GRIP1: variants seen among roughly 807,000 people sequenced by gnomAD.
GRIP1 encodes glutamate receptor-interacting protein 1.
Under a neutral mutation model 129.9 loss-of-function variants are expected in GRIP1, and 45 were observed. That is an observed-to-expected ratio of 0.35 (90% CI 0.27 to 0.44). The LOEUF (loss-of-function observed/expected upper bound fraction) is 0.44, where lower values mean the gene tolerates loss of function less well. GRIP1 is among the 20% of genes least tolerant of loss of function. The pLI, the probability that GRIP1 is intolerant of heterozygous loss-of-function variation, is 1.00. For missense variants in GRIP1, 1,196 were observed against 1,396.8 expected (o/e 0.86, Z 2.29); for synonymous variants, 530 against 520.8 (o/e 1.02, Z -0.24).
intron 1 of GRIP1, among the ~76,000 whole-genome samples, chr12:66,743,761 C>T (rs995130236): frequency 4.6e-5 from 7 of 151,974 alleles, no homozygotes; most frequent in Admixed American, 3.9e-4. Context: ...ATTGGTGTGC[C>T]GGTAAATTAA....
chr12:66,664,323 G>C (rs1443253809), intron 1 of GRIP1, among the ~76,000 whole-genome samples: 2 of 152,158 alleles, frequency 1.3e-5, no homozygotes, highest in Non-Finnish European at 2.9e-5. Context: ...CTTTTGTAGT[G>C]AGTCAACAGA....
intron 19 of GRIP1, among the ~76,000 whole-genome samples, chr12:66,382,796 G>A (rs1272188846): frequency 1.3e-5 from 2 of 152,216 alleles, no homozygotes; most frequent in Non-Finnish European, 2.9e-5. Flanking sequence ...TTTGGTATAT[G>A]TATAGGAGAA....
chr12:66,772,618 A>C (rs1207582754), intron 1 of GRIP1, among the ~76,000 whole-genome samples: 1 of 152,212 alleles, frequency 6.6e-6, no homozygotes, highest in Non-Finnish European at 1.5e-5. Context: ...TGATCTGAAA[A>C]GGTAAAGGCC....
chr12:66,405,409 G>A (rs1413300196), intron 16 of GRIP1, among the ~76,000 whole-genome samples: 1 of 152,122 alleles, frequency 6.6e-6, no homozygotes, highest in African/African-American at 2.4e-5. Flanking sequence ...TTTTCAATTG[G>A]CTCTATATTC....
At chr12:66,501,937 T>C (rs2060404379) in intron 7 of GRIP1, among the ~76,000 whole-genome samples, 1 of 152,194 alleles carries the variant, frequency 6.6e-6, no homozygotes, top group African/African-American at 2.4e-5. Context: ...AAATTTGTAA[T>C]TGTCAATGGG....
At chr12:66,520,727 A>G (rs1204026249) in intron 5 of GRIP1, among the ~76,000 whole-genome samples, 1 of 152,152 alleles carries the variant, frequency 6.6e-6, no homozygotes, top group Non-Finnish European at 1.5e-5. Flanking sequence ...AGTTGCTTCT[A>G]TTCTGTTTAT....
At position 66,772,978 on chromosome 12, in the gene GRIP1, C is replaced by G. The variant is rs1049674468; in HGVS notation, c.-420+31075G>C. ...GCTGGGAAAATGAAACTTCCTACAC[C>G]AAGTGGACAAAGGATTTCCAAAACA... is the stretch of plus-strand genomic sequence containing the variant. On this transcript the variant is annotated intron_variant, in intron 1 of 4. Coordinates refer to the GRIP1 transcript ENST00000538373. Among the ~76,000 whole-genome samples, 52 of 152,120 alleles carry G rather than the reference C, an allele frequency of 3.4e-4. 1 individual carries two copies. Among genetic ancestry groups the G allele is most frequent in the Admixed American group, 3.3e-3 (51 of 15,274 alleles).
chr12:67,001,349 C>T (rs1372013765), intron 1 of GRIP1, among the ~76,000 whole-genome samples: 1 of 152,102 alleles, frequency 6.6e-6, no homozygotes, highest in East Asian at 1.9e-4. Context: ...GGGAAAAAAG[C>T]ATCAGGATCC....
intron 15 of GRIP1, among the ~76,000 whole-genome samples, chr12:66,417,850 T>G (rs1311518252): frequency 6.6e-6 from 1 of 152,098 alleles, no homozygotes; most frequent in African/African-American, 2.4e-5. Context: ...ATTGTTAAAA[T>G]ATCCATACTA....
chr12:66,779,886 C>G (rs911539682), intron 1 of GRIP1, among the ~76,000 whole-genome samples: 3 of 152,176 alleles, frequency 2.0e-5, no homozygotes, highest in Non-Finnish European at 2.9e-5. Context: ...ATGATATTTG[C>G]ATATTAAGAA....
chr12:66,445,660 A>G, intron 11 of GRIP1, 152 bp from the exon 12 acceptor site: 3 of 609,794 alleles, frequency 4.9e-6, no homozygotes, highest in Non-Finnish European at 8.7e-6. Flanking sequence ...GTTGAAAAAG[A>G]TAAATGAATC....
At chr12:66,756,467 A>G (rs2136645095) in intron 1 of GRIP1, among the ~76,000 whole-genome samples, 1 of 152,348 alleles carries the variant, frequency 6.6e-6, no homozygotes, top group South Asian at 2.1e-4. Flanking sequence ...TCTCCTGAAA[A>G]TAGATCCTTG....
intron 19 of GRIP1, among the ~76,000 whole-genome samples, chr12:66,385,596 A>ATTAT (rs149410816): frequency 0.032 from 4,911 of 151,534 alleles, 103 homozygotes; most frequent in East Asian, 0.071. Context: ...TCTCCTTTGG[A>ATTAT]TTATTTATTT....
intron 1 of GRIP1, among the ~76,000 whole-genome samples, chr12:66,714,149 T>C (rs2035796715): frequency 6.6e-6 from 1 of 152,084 alleles, no homozygotes; most frequent in Admixed American, 6.6e-5. Context: ...AAACGTTATC[T>C]CTGTTTTACT....
chr12:66,840,895 T>G (rs1235611383), intron 1 of GRIP1, among the ~76,000 whole-genome samples: 2 of 152,164 alleles, frequency 1.3e-5, no homozygotes, highest in African/African-American at 4.8e-5. Context: ...GCTACTATTT[T>G]CTAACTGGCT....
chr12:66,772,552 A>C (rs1165084990), intron 1 of GRIP1, among the ~76,000 whole-genome samples: 1 of 152,194 alleles, frequency 6.6e-6, no homozygotes, highest in African/African-American at 2.4e-5. Flanking sequence ...GAGGGGTGTG[A>C]AACCATCAAC....
intron 1 of GRIP1, among the ~76,000 whole-genome samples, chr12:67,032,582 G>A (rs996826016): frequency 1.1e-4 from 16 of 152,162 alleles, no homozygotes; most frequent in Non-Finnish European, 2.2e-4. Context: ...ATAATTCTTT[G>A]TTGATGGGGA....
At chr12:66,561,769 C>T (rs150356240) in intron 2 of GRIP1, among the ~76,000 whole-genome samples, 2 of 152,146 alleles carry the variant, frequency 1.3e-5, no homozygotes, top group Admixed American at 6.5e-5. Flanking sequence ...TGCCAGCGAT[C>T]GTAAGGCACA....
chr12:66,441,472 GC>G (rs758954555), intron 13 of GRIP1, among the ~76,000 whole-genome samples: 21 of 152,038 alleles, frequency 1.4e-4, no homozygotes, highest in Non-Finnish European at 2.6e-4. Context: ...TTGCTATCCA[GC>G]CCAGACCCTG....
Sources: gnomAD v4.1 joint callset for allele counts (sites outside exome capture counted in the v4.1 genomes callset) on GRCh38, gnomAD v4.1.1 for gene constraint, MANE v1.5 for transcripts, NCBI Gene and HGNC (gene_info 2026-07-23, HGNC 2026-07-21) for gene names.